LARS2: variants seen among roughly 807,000 people sequenced by gnomAD.
LARS2 encodes the protein leucyl-tRNA synthetase 2, mitochondrial, also known as leucine--tRNA ligase, mitochondrial.
A neutral mutation model predicts 116.6 loss-of-function variants in LARS2; 81 were observed. That is an observed-to-expected ratio of 0.69 (90% CI 0.58 to 0.84). LARS2 has a LOEUF of 0.84. Among genes scored for constraint, LARS2 ranks in the 40% least tolerant of loss-of-function variants. The pLI, the probability that LARS2 is intolerant of heterozygous loss-of-function variation, is 0.00. For missense variants in LARS2, 968 were observed against 1,114.5 expected (o/e 0.87, Z 1.87); for synonymous variants, 396 against 407.2 (o/e 0.97, Z 0.33).
chr3:45,511,771 A>ATTTTTTTT (rs67171643), intron 15 of LARS2, among the ~76,000 whole-genome samples: 1 of 86,620 alleles, frequency 1.2e-5, no homozygotes, highest in African/African-American at 4.4e-5. Flanking sequence ...AATGCTGCTG[A>ATTTTTTTT]TTTTTTTTTT....
At position 45,511,771 on chromosome 3, in the gene LARS2, A is replaced by ATTT. The variant is rs67171643; in HGVS notation, c.1761-1343_1761-1341dup. Among the ~76,000 whole-genome samples the ATTT allele has an allele frequency of 1.6e-3, 141 of 86,636 alleles. 3 individuals carry two copies. Among genetic ancestry groups the ATTT allele is most frequent in the African/African-American group, 5.1e-3 (117 of 22,822 alleles). 56.8% of individuals were successfully genotyped at this position (86,636 alleles called of 152,430 possible). On this transcript the variant is annotated intron_variant, in intron 15 of 21. Transcript: ENST00000645846. ...CCCTTCTTGAGGCTTAATGCTGCTGATTTTTTTTTTTTTTTTTTTTTTTGG... is the reference window on the plus strand; with the variant it reads ...CCCTTCTTGAGGCTTAATGCTGCTGATTTTTTTTTTTTTTTTTTTTTTTTTTGG...
intron 15 of LARS2, among the ~76,000 whole-genome samples, chr3:45,512,861 CT>C (rs1311071289): frequency 6.6e-6 from 1 of 152,142 alleles, no homozygotes; most frequent in African/African-American, 2.4e-5. Flanking sequence ...TGGTTTAAAA[CT>C]TTTTTTAGGC....
At chr3:45,430,219 G>A (rs1409103605) in intron 6 of LARS2, among the ~76,000 whole-genome samples, 2 of 148,720 alleles carry the variant, frequency 1.3e-5, no homozygotes, top group African/African-American at 2.5e-5. Flanking sequence ...TGATCCGCCC[G>A]CCTTGGCCTC....
At chr3:45,445,600 G>C (rs756992874) in intron 6 of LARS2, among the ~76,000 whole-genome samples, 1 of 152,210 alleles carries the variant, frequency 6.6e-6, no homozygotes, top group Non-Finnish European at 1.5e-5. Flanking sequence ...TACAATGTGG[G>C]CAAAGCCCTT....
chr3:45,484,724 A>G (rs1327071978), intron 10 of LARS2, among the ~76,000 whole-genome samples: 1 of 146,412 alleles, frequency 6.8e-6, no homozygotes, highest in East Asian at 2.0e-4. Context: ...CAATAATACA[A>G]TGTTAGAATA....
chr3:45,424,889 T>C (rs1255536361), intron 6 of LARS2, among the ~76,000 whole-genome samples: 2 of 152,214 alleles, frequency 1.3e-5, no homozygotes, highest in Non-Finnish European at 2.9e-5. Context: ...ATCTCTCTCA[T>C]GATTTTGGTC....
rs372802166 is a variant in LARS2, at chr3:45,430,174, T to C, written c.516+10445T>C. 1.3e-4 allele frequency among the ~76,000 whole-genome samples: 19 copies of C among 149,168 alleles called. No individual in the cohort carries two copies. In the East Asian group the frequency reaches 1.6e-3, roughly 12 times the overall value. On this transcript the variant is annotated intron_variant, in intron 6 of 21. Transcript: ENST00000645846. ...ATTTTTAGTAGAGATGGGGTTTCAC[T>C]GTGTTAGCCAGGATGGTTTCAATCT...
At chr3:45,404,636 G>A (rs1039681506) in intron 4 of LARS2, among the ~76,000 whole-genome samples, 1 of 152,160 alleles carries the variant, frequency 6.6e-6, no homozygotes, top group Non-Finnish European at 1.5e-5. Flanking sequence ...CTTGAATGGA[G>A]ATATATGAAA....
chr3:45,424,023 T>C (rs1283435968), intron 6 of LARS2, among the ~76,000 whole-genome samples: 1 of 152,194 alleles, frequency 6.6e-6, no homozygotes, highest in Non-Finnish European at 1.5e-5. Flanking sequence ...CTTTGCCCAA[T>C]GATAACATTT....
chr3:45,454,959 T>G (rs990067678), intron 7 of LARS2, among the ~76,000 whole-genome samples: 1 of 152,100 alleles, frequency 6.6e-6, no homozygotes, highest in African/African-American at 2.4e-5. Context: ...TTTTGGAAAG[T>G]CTGAGCCTGA....
At chr3:45,451,963 G>C (rs1169134914) in intron 7 of LARS2, among the ~76,000 whole-genome samples, 3 of 151,728 alleles carry the variant, frequency 2.0e-5, no homozygotes, top group Admixed American at 1.3e-4. Flanking sequence ...CTTATAAATG[G>C]GATTACTTGA....
At chr3:45,449,391 A>G (rs542149585) in intron 7 of LARS2, among the ~76,000 whole-genome samples, 1 of 152,160 alleles carries the variant, frequency 6.6e-6, no homozygotes, top group Admixed American at 6.5e-5. Context: ...TGAACTCCCA[A>G]ACTCAGGTGA....
At chr3:45,477,344 A>G (rs1699632862) in intron 10 of LARS2, among the ~76,000 whole-genome samples, 1 of 152,236 alleles carries the variant, frequency 6.6e-6, no homozygotes, top group African/African-American at 2.4e-5. Flanking sequence ...CAGCCCCAAG[A>G]GTTTGGAGAA....
chr3:45,392,070 G>C (rs1382622597), intron 2 of LARS2, among the ~76,000 whole-genome samples: 1 of 152,110 alleles, frequency 6.6e-6, no homozygotes, highest in Non-Finnish European at 1.5e-5. Flanking sequence ...GTATTGACTT[G>C]GCAAGAGAAC....
In LARS2 at chr3:45,503,782, C is replaced by A. The variant is rs77886297; in HGVS notation, c.1760+3203C>A. On this transcript the variant is annotated intron_variant, in intron 15 of 21. Transcript: ENST00000645846. Reference sequence around the variant, plus strand: ...AGGGGGGAAATATCTGATTATTTCCCTATCCAGATAACCCATGTTGACAAT... The same window carrying A: ...AGGGGGGAAATATCTGATTATTTCCATATCCAGATAACCCATGTTGACAAT... Among the ~76,000 whole-genome samples, 173 of 151,820 alleles carry A rather than the reference C, an allele frequency of 1.1e-3. 1 individual carries two copies. The South Asian group carries it at 0.016, about 14-fold the overall frequency.
At chr3:45,489,289 A>T (rs191244650) in intron 12 of LARS2, among the ~76,000 whole-genome samples, 1 of 152,298 alleles carries the variant, frequency 6.6e-6, no homozygotes, top group Admixed American at 6.5e-5. Context: ...ATCTGGCAGG[A>T]TTTGAGCCCA....
chr3:45,399,760 C>CT (rs1422211205), intron 3 of LARS2, among the ~76,000 whole-genome samples: 1 of 151,742 alleles, frequency 6.6e-6, no homozygotes, highest in Admixed American at 6.6e-5. Flanking sequence ...AGGCTGTACT[C>CT]TATTTGTAGT....
chr3:45,547,279 A>C, intron 21 of LARS2, 72 bp from the exon 22 acceptor site: 1 of 1,325,960 alleles, frequency 7.5e-7, no homozygotes, highest in Non-Finnish European at 1.0e-6. Flanking sequence ...TACAGGCAGG[A>C]GGTTTGGTAT....
At chr3:45,434,283 T>G (rs1698766161) in intron 6 of LARS2, among the ~76,000 whole-genome samples, 1 of 152,212 alleles carries the variant, frequency 6.6e-6, no homozygotes, top group African/African-American at 2.4e-5. Flanking sequence ...TCCAGTCTGT[T>G]TTCTCTCTGT....
Sources: gnomAD v4.1 joint callset for allele counts (sites outside exome capture counted in the v4.1 genomes callset) on GRCh38, gnomAD v4.1.1 for gene constraint, MANE v1.5 for transcripts, NCBI Gene and HGNC (gene_info 2026-07-23, HGNC 2026-07-21) for gene names.